Variants in LSAMP observed in about 807,000 individuals in gnomAD.
LSAMP encodes the protein limbic system associated membrane protein.
A neutral mutation model predicts 38.6 loss-of-function variants in LSAMP; 7 were observed. That is an observed-to-expected ratio of 0.18 (90% CI 0.10 to 0.34). The LOEUF (loss-of-function observed/expected upper bound fraction) is 0.34, where lower values mean the gene tolerates loss of function less well. Among genes scored for constraint, LSAMP ranks in the 10% least tolerant of loss-of-function variants. The pLI, the probability that LSAMP is intolerant of heterozygous loss-of-function variation, is 1.00. For missense variants in LSAMP, 313 were observed against 420.0 expected, an observed-to-expected ratio of 0.75 and a Z score of 2.23; for synonymous variants, 154 against 166.8, an observed-to-expected ratio of 0.92 and a Z score of 0.59.
intron 1 of LSAMP, among the ~76,000 whole-genome samples, chr3:116,335,945 G>C (rs547177526): frequency 6.6e-4 from 100 of 152,048 alleles, no homozygotes; most frequent in African/African-American, 2.2e-3. Context: ...TTGAACTATT[G>C]TTAAGCTGTA....
chr3:115,831,697 A>G (rs559181801), intron 6 of LSAMP, among the ~76,000 whole-genome samples: 7 of 152,208 alleles, frequency 4.6e-5, no homozygotes, highest in African/African-American at 1.4e-4. Flanking sequence ...CTGCAGCAAT[A>G]TAGTAGGAGG....
chr3:116,242,975 A>G (rs1351941815), intron 1 of LSAMP, among the ~76,000 whole-genome samples: 1 of 152,154 alleles, frequency 6.6e-6, no homozygotes, highest in African/African-American at 2.4e-5. Flanking sequence ...AGTCATTAAG[A>G]GTGAGAGAAA....
intron 1 of LSAMP, among the ~76,000 whole-genome samples, chr3:116,392,790 C>A (rs2048721452): frequency 6.6e-6 from 1 of 152,176 alleles, no homozygotes; most frequent in Admixed American, 6.5e-5. Flanking sequence ...CATAAAAACC[C>A]AGGACTCAGC....
At chr3:115,880,906 C>T (rs761035680) in intron 3 of LSAMP, among the ~76,000 whole-genome samples, 11 of 151,788 alleles carry the variant, frequency 7.2e-5, no homozygotes, top group East Asian at 1.9e-4. Context: ...GGTGTGGTAG[C>T]GGGCACCTGT....
intron 6 of LSAMP, among the ~76,000 whole-genome samples, chr3:115,832,760 C>G (rs1313430015): frequency 6.6e-6 from 1 of 152,148 alleles, no homozygotes; most frequent in Non-Finnish European, 1.5e-5. Context: ...AAACTATATT[C>G]TCTAAAAACT....
intron 3 of LSAMP, among the ~76,000 whole-genome samples, chr3:115,867,027 G>A (rs1461450396): frequency 6.6e-6 from 1 of 151,874 alleles, no homozygotes; most frequent in East Asian, 1.9e-4. Flanking sequence ...GGGAAGAGGG[G>A]GGTCATAAAT....
intron 2 of LSAMP, among the ~76,000 whole-genome samples, chr3:116,032,872 A>G (rs1329553738): frequency 6.6e-6 from 1 of 152,168 alleles, no homozygotes; most frequent in Non-Finnish European, 1.5e-5. Context: ...TATTGATTAA[A>G]TTAAACAGAG....
At chr3:116,044,500 T>A (rs1385322928) in intron 2 of LSAMP, among the ~76,000 whole-genome samples, 1 of 152,098 alleles carries the variant, frequency 6.6e-6, no homozygotes, top group East Asian at 1.9e-4. Context: ...CTGAGTGTGA[T>A]GTTTGTGTGT....
At chr3:116,097,288 G>A (rs1198665876) in intron 1 of LSAMP, among the ~76,000 whole-genome samples, 1 of 152,164 alleles carries the variant, frequency 6.6e-6, no homozygotes, top group Non-Finnish European at 1.5e-5. Context: ...AGAAAGAAAT[G>A]CTCGCAATAA....
intron 1 of LSAMP, among the ~76,000 whole-genome samples, chr3:116,237,391 G>A (rs1051808796): frequency 3.3e-5 from 5 of 152,062 alleles, no homozygotes; most frequent in African/African-American, 1.2e-4. Context: ...AACCTCTGTG[G>A]TTATGGTGGC....
At chr3:116,392,543 C>T (rs2048717599) in intron 1 of LSAMP, among the ~76,000 whole-genome samples, 2 of 152,232 alleles carry the variant, frequency 1.3e-5, no homozygotes, top group African/African-American at 4.8e-5. Flanking sequence ...GTGCTGAGGA[C>T]AGCCTGGTGC....
intron 1 of LSAMP, among the ~76,000 whole-genome samples, chr3:116,268,393 T>C (rs1441717162): frequency 1.3e-5 from 2 of 151,618 alleles, no homozygotes; most frequent in Non-Finnish European, 2.9e-5. Flanking sequence ...CTATCCTTCA[T>C]GTAAGGCACA....
intron 2 of LSAMP, among the ~76,000 whole-genome samples, chr3:116,044,946 G>GA (rs1559932194): frequency 6.6e-6 from 1 of 150,526 alleles, no homozygotes; most frequent in African/African-American, 2.5e-5. Flanking sequence ...TGGAAAGAAA[G>GA]AAAAAACAAA....
At chr3:115,814,851 A>G (rs1033554456) in intron 6 of LSAMP, among the ~76,000 whole-genome samples, 2 of 152,202 alleles carry the variant, frequency 1.3e-5, no homozygotes, top group African/African-American at 4.8e-5. Context: ...GAGAACAGTA[A>G]TCTACACAGT....
chr3:116,244,226 C>G (rs536534946), intron 1 of LSAMP, among the ~76,000 whole-genome samples: 1 of 152,178 alleles, frequency 6.6e-6, no homozygotes, highest in Non-Finnish European at 1.5e-5. Flanking sequence ...CCTTTCTCAA[C>G]TTCTCCAGCA....
intron 3 of LSAMP, among the ~76,000 whole-genome samples, chr3:116,010,643 A>C (rs1260241277): frequency 6.6e-6 from 1 of 152,216 alleles, no homozygotes; most frequent in Non-Finnish European, 1.5e-5. Flanking sequence ...AAAATGATGC[A>C]AGTGGGATGG....
intron 2 of LSAMP, among the ~76,000 whole-genome samples, chr3:116,052,182 A>T (rs1559723736): frequency 6.6e-6 from 1 of 152,150 alleles, no homozygotes; most frequent in Non-Finnish European, 1.5e-5. Context: ...GATCATGAAT[A>T]AAATCCTCTC....
intron 1 of LSAMP, among the ~76,000 whole-genome samples, chr3:116,373,364 A>G (rs1303636326): frequency 1.3e-5 from 2 of 151,778 alleles, no homozygotes; most frequent in African/African-American, 4.8e-5. Flanking sequence ...TATATGAGGT[A>G]TATAGAGTAC....
chr3:116,000,168 ACT>A (rs1196024030), intron 3 of LSAMP, among the ~76,000 whole-genome samples: 1 of 151,992 alleles, frequency 6.6e-6, no homozygotes, highest in Admixed American at 6.6e-5. Flanking sequence ...TAATGCCTCT[ACT>A]CTTTGTTTTC....
Sources: gnomAD v4.1 joint callset for allele counts (sites outside exome capture counted in the v4.1 genomes callset) on GRCh38, gnomAD v4.1.1 for gene constraint, MANE v1.5 for transcripts, NCBI Gene and HGNC (gene_info 2026-07-23, HGNC 2026-07-21) for gene names.